RYR3: variants seen among roughly 807,000 people sequenced by gnomAD.
RYR3 encodes brain ryanodine receptor-calcium release channel.
Under a neutral mutation model 584.3 loss-of-function variants are expected in RYR3, and 207 were observed. That is an observed-to-expected ratio of 0.35 (90% CI 0.32 to 0.40). The LOEUF is 0.40. RYR3 is among the 10% of genes least tolerant of loss of function. The pLI, the probability that RYR3 is intolerant of heterozygous loss-of-function variation, is 1.00. For synonymous variants in RYR3, 2,416 were observed against 2,248.5 expected (o/e 1.07, Z -2.11); for missense variants, 5,616 against 6,089.2 (o/e 0.92, Z 2.59).
intron 91 of RYR3, among the ~76,000 whole-genome samples, chr15:33,842,968 A>G (rs2152986055): frequency 6.6e-6 from 1 of 152,160 alleles, no homozygotes; most frequent in East Asian, 1.9e-4. Context: ...TTTTTTTTAA[A>G]TCAACATTTT....
At chr15:33,465,666 TA>T in intron 1 of RYR3, 1 of 515,370 alleles carries the variant, frequency 1.9e-6, no homozygotes, top group South Asian at 1.4e-5. Flanking sequence ...AGACTCTGGC[TA>T]CTGTGTGGAG....
At chr15:33,769,905 C>T (rs758227515) in intron 62 of RYR3, among the ~76,000 whole-genome samples, 12 of 151,980 alleles carry the variant, frequency 7.9e-5, no homozygotes, top group Admixed American at 6.5e-4. Context: ...GCTGAGATCA[C>T]GCCACTACAC....
intron 1 of RYR3, among the ~76,000 whole-genome samples, chr15:33,457,174 C>T (rs1435323428): frequency 6.6e-6 from 1 of 152,148 alleles, no homozygotes; most frequent in Non-Finnish European, 1.5e-5. Flanking sequence ...AATTAAGATA[C>T]ATACATATTA....
intron 103 of RYR3, 29 bp downstream of exon 103, chr15:33,864,218 T>TTAGATCTCCCTTTCC (rs1889595170): frequency 6.4e-7 from 1 of 1,566,286 alleles, no homozygotes; most frequent in African/African-American, 1.4e-5. Flanking sequence ...TATACCCGTG[T>TTAGATCTCCCTTTCC]TAGATCTCCC....
chr15:33,417,497 T>C (rs1196243257), intron 1 of RYR3, among the ~76,000 whole-genome samples: 1 of 152,164 alleles, frequency 6.6e-6, no homozygotes, highest in African/African-American at 2.4e-5. Flanking sequence ...TGACCGTTAT[T>C]GGTGTGTAGA....
intron 1 of RYR3, among the ~76,000 whole-genome samples, chr15:33,454,591 G>A (rs2047394095): frequency 1.3e-5 from 2 of 152,206 alleles, no homozygotes; most frequent in Non-Finnish European, 2.9e-5. Flanking sequence ...CGAAACAGCG[G>A]TTAAGGTAAA....
intron 1 of RYR3, among the ~76,000 whole-genome samples, chr15:33,398,590 G>T (rs1315773545): frequency 6.6e-6 from 1 of 152,192 alleles, no homozygotes; most frequent in African/African-American, 2.4e-5. Flanking sequence ...ATTTCTCCAC[G>T]CATGGGATTT....
Position 33,634,812 on chromosome 15 carries a change from G to A in RYR3, c.3175+79G>A, listed in dbSNP as rs540223629. The A allele has an allele frequency of 2.1e-4, 257 of 1,201,680 alleles. 5 individuals are homozygous for A. The South Asian group carries it at 3.1e-3, about 14-fold the overall frequency. The allele number at this position is 1,201,680 out of a possible 1,614,324, so 74.4% of individuals were successfully genotyped here. On this transcript the variant is annotated intron_variant, in intron 25 of 103. Coordinates refer to ENST00000634891, the MANE Select transcript of RYR3 (RefSeq NM_001036.6). ...CTTGGGGCATCCTAACTTCAAATAG[G>A]TCTAACTTGTACTATTGGAAATAGT...
chr15:33,792,896 C>T (rs1371140199), intron 67 of RYR3, among the ~76,000 whole-genome samples: 4 of 152,162 alleles, frequency 2.6e-5, no homozygotes, highest in Non-Finnish European at 5.9e-5. Flanking sequence ...TCCAACAATC[C>T]AATTTAATTC....
At chr15:33,710,478 G>T (rs2067030193) in intron 43 of RYR3, among the ~76,000 whole-genome samples, 1 of 151,896 alleles carries the variant, frequency 6.6e-6, no homozygotes, top group African/African-American at 2.4e-5. Context: ...CGAGCAGCTG[G>T]GACTATAGGC....
At chr15:33,825,450 G>A (rs2077326100) in intron 81 of RYR3, 153 bp from the exon 82 acceptor site, 1 of 548,002 alleles carries the variant, frequency 1.8e-6, no homozygotes, top group Non-Finnish European at 3.3e-6. Flanking sequence ...CAAAACCAAG[G>A]AATCATTAGA....
intron 8 of RYR3, among the ~76,000 whole-genome samples, chr15:33,546,715 G>A (rs1000819279): frequency 3.3e-5 from 5 of 151,306 alleles, no homozygotes; most frequent in African/African-American, 4.9e-5. Flanking sequence ...GGGCTTGCCC[G>A]AGATCACACA....
chr15:33,358,042 C>T (rs1233597794), intron 1 of RYR3, among the ~76,000 whole-genome samples: 6 of 152,176 alleles, frequency 3.9e-5, no homozygotes, highest in African/African-American at 9.7e-5. Flanking sequence ...TGTCAGGGCA[C>T]GCTCTTAACC....
Position 33,864,261 on chromosome 15 carries a change from G to A in RYR3, c.14517+72G>A, listed in dbSNP as rs1233767458. 3.3e-6 allele frequency: 4 copies of A among 1,217,160 alleles called. No homozygotes were observed. In the African/African-American group the frequency reaches 4.5e-5, roughly 14 times the overall value. 75.4% of individuals were successfully genotyped at this position (1,217,160 alleles called of 1,614,324 possible). A position where few individuals can be genotyped will look rare whatever the true frequency, so the allele number is the denominator to read the frequency against. ...AATCTTGAGACTTAGTAGGGCATAG[G>A]TTATCTGAAATACATACATGGCCCC... On this transcript the variant is annotated intron_variant, in intron 103 of 103. Coordinates refer to ENST00000634891, the MANE Select transcript of RYR3 (RefSeq NM_001036.6).
intron 1 of RYR3, among the ~76,000 whole-genome samples, chr15:33,385,164 A>G (rs1177189585): frequency 6.6e-6 from 1 of 152,208 alleles, no homozygotes; most frequent in East Asian, 1.9e-4. Flanking sequence ...GATGTATACA[A>G]CATTCACCAT....
intron 1 of RYR3, among the ~76,000 whole-genome samples, chr15:33,374,017 G>A (rs1363497580): frequency 6.6e-6 from 1 of 152,124 alleles, no homozygotes; most frequent in East Asian, 1.9e-4. Context: ...ACAGTGCCTG[G>A]AATCAGGGAT....
chr15:33,676,793 A>C (rs1239448080), intron 38 of RYR3, among the ~76,000 whole-genome samples: 1 of 152,188 alleles, frequency 6.6e-6, no homozygotes, highest in Non-Finnish European at 1.5e-5. Flanking sequence ...GCAGGCATAA[A>C]AACTCATTGT....
chr15:33,812,596 A>T (rs2152948455), intron 72 of RYR3, among the ~76,000 whole-genome samples: 1 of 152,354 alleles, frequency 6.6e-6, no homozygotes, highest in African/African-American at 2.4e-5. Flanking sequence ...ATAAATTAGA[A>T]GAGTGCTTTA....
intron 85 of RYR3, 62 bp from the exon 86 acceptor site, chr15:33,830,901 A>G: frequency 6.4e-7 from 1 of 1,568,050 alleles, no homozygotes; most frequent in Admixed American, 1.7e-5. Flanking sequence ...CTTCCCAAAC[A>G]CCGAGTTTAG....
Sources: gnomAD v4.1 joint callset for allele counts (sites outside exome capture counted in the v4.1 genomes callset) on GRCh38, gnomAD v4.1.1 for gene constraint, MANE v1.5 for transcripts, NCBI Gene and HGNC (gene_info 2026-07-23, HGNC 2026-07-21) for gene names.